Variants in MTUS2 observed in about 807,000 individuals in gnomAD.
The protein encoded by MTUS2 is microtubule-associated tumor suppressor candidate 2.
Under a neutral mutation model 114.1 loss-of-function variants are expected in MTUS2, and 40 were observed. The observed-to-expected ratio is 0.35, with a 90% CI of 0.27 to 0.46. MTUS2 has a LOEUF of 0.46. MTUS2 is among the 20% of genes least tolerant of loss of function. The pLI, the probability that MTUS2 is intolerant of heterozygous loss-of-function variation, is 1.00. For missense variants in MTUS2, 1,679 were observed against 1,705.4 expected (o/e 0.98, Z 0.27); for synonymous variants, 688 against 672.0 (o/e 1.02, Z -0.37).
intron 5 of MTUS2, among the ~76,000 whole-genome samples, chr13:29,230,477 A>G (rs1303901222): frequency 1.3e-5 from 2 of 152,190 alleles, no homozygotes; most frequent in African/African-American, 4.8e-5. Context: ...ACATCTTTAT[A>G]TGTTTTGCTT....
intron 1 of MTUS2, among the ~76,000 whole-genome samples, chr13:28,828,481 T>C (rs914184806): frequency 1.1e-4 from 16 of 152,210 alleles, no homozygotes; most frequent in African/African-American, 3.9e-4. Flanking sequence ...TAAATGGCCA[T>C]GAAATCTTCA....
rs762222069 is a variant in MTUS2, at chr13:29,026,419, C to G, written c.1721C>G (p.Pro574Arg). 6.2e-7 allele frequency: 1 copy of G among 1,613,926 alleles called. No homozygotes were observed. The highest frequency in any genetic ancestry group is 8.5e-7 in the Non-Finnish European group (1 of 1,179,852). Residue 574 changes from proline to arginine, a missense_variant, in exon 3 of 16, where the codon CCT becomes CGT. Physicochemically the swap from Pro to Arg is moderately radical, Grantham distance 103. This residue lies in a region of MTUS2 where 843 missense variants were observed against 770.8 expected (regional missense o/e 1.09). Coordinates refer to ENST00000612955, the MANE Select transcript of MTUS2 (RefSeq NM_001033602.4). ...DAGSPLVVPP[P>R]TDSARLLNTS... The stretch of plus-strand genomic sequence containing the variant: ...GGGTCCCCCTTGGTAGTTCCACCCC[C>G]TACTGATAGTGCACGCTTGTTGAAC...
intron 5 of MTUS2, among the ~76,000 whole-genome samples, chr13:29,143,961 C>T (rs1162767132): frequency 6.6e-6 from 1 of 152,122 alleles, no homozygotes; most frequent in Non-Finnish European, 1.5e-5. Context: ...GCAGAAGTGC[C>T]ATAGTGCCAT....
chr13:29,452,817 C>T (rs546862704), intron 9 of MTUS2, among the ~76,000 whole-genome samples: 5 of 152,194 alleles, frequency 3.3e-5, no homozygotes, highest in African/African-American at 1.2e-4. Context: ...GCTCCAATAC[C>T]AAGGGCAACC....
At position 29,466,748 on chromosome 13, in the gene MTUS2, G is replaced by A. The variant is rs560629320; in HGVS notation, c.3185-13402G>A. Among the ~76,000 whole-genome samples the A allele has an allele frequency of 9.2e-5, 14 of 151,900 alleles. No individual in the cohort carries two copies. In the East Asian group the frequency reaches 1.4e-3, roughly 15 times the overall value. ...AAAAATTAGCCAGGTGTGGTGGTGC[G>A]TGTCTATAGTCCCAGCTACTAGGGC... On this transcript the variant is annotated intron_variant, in intron 9 of 15. Coordinates refer to ENST00000612955, the MANE Select transcript of MTUS2 (RefSeq NM_001033602.4).
At chr13:28,972,301 C>T (rs528913858) in intron 2 of MTUS2, among the ~76,000 whole-genome samples, 15 of 152,310 alleles carry the variant, frequency 9.8e-5, no homozygotes, top group Admixed American at 2.6e-4. Flanking sequence ...AGTGACTCTC[C>T]GGTTCTTCCG....
intron 9 of MTUS2, among the ~76,000 whole-genome samples, chr13:29,458,055 C>A (rs781396215): frequency 1.3e-5 from 2 of 152,160 alleles, no homozygotes; most frequent in Non-Finnish European, 2.9e-5. Context: ...CCTGGCCGAG[C>A]ACTTTTTATG....
At chr13:29,049,301 G>A (rs1379028223) in intron 4 of MTUS2, among the ~76,000 whole-genome samples, 2 of 152,220 alleles carry the variant, frequency 1.3e-5, no homozygotes, top group African/African-American at 4.8e-5. Context: ...TGGGGACCAT[G>A]CTGGAGTACT....
At chr13:29,029,882 C>T (rs1886736588) in intron 3 of MTUS2, among the ~76,000 whole-genome samples, 1 of 152,346 alleles carries the variant, frequency 6.6e-6, no homozygotes, top group East Asian at 1.9e-4. Context: ...CATGAGGCAT[C>T]TGCCCCCATG....
At chr13:28,944,226 C>A (rs1385508813) in intron 2 of MTUS2, among the ~76,000 whole-genome samples, 1 of 152,036 alleles carries the variant, frequency 6.6e-6, no homozygotes, top group Non-Finnish European at 1.5e-5. Flanking sequence ...ATGCTGGGAA[C>A]ATTTGAATTA....
At chr13:29,281,446 T>TGTGC (rs1555261051) in intron 5 of MTUS2, among the ~76,000 whole-genome samples, 1 of 151,970 alleles carries the variant, frequency 6.6e-6, no homozygotes, top group Non-Finnish European at 1.5e-5. Context: ...TGTGTGTGTG[T>TGTGC]GTGCATGCAG....
intron 8 of MTUS2, among the ~76,000 whole-genome samples, chr13:29,428,205 A>G (rs777738430): frequency 1.3e-5 from 2 of 152,258 alleles, no homozygotes; most frequent in African/African-American, 4.8e-5. Context: ...GGCGGTTCCC[A>G]TTAGCAACAA....
Position 29,116,123 on chromosome 13 carries a change from T to C in MTUS2, c.2644+15153T>C, listed in dbSNP as rs529453022. On this transcript the variant is annotated intron_variant, in intron 5 of 15. Transcript: ENST00000612955. ...TAAATCTGCTTCCATGCCTGGCCCC[T>C]AGGCCCCATGTTCTCTATTGTGCTA... Among the ~76,000 whole-genome samples, 21 of 152,326 alleles carry C rather than the reference T, an allele frequency of 1.4e-4. 1 individual carries two copies. The highest frequency in any genetic ancestry group is 5.1e-4 in the African/African-American group (21 of 41,574).
At chr13:29,468,206 A>T (rs1013105851) in intron 9 of MTUS2, among the ~76,000 whole-genome samples, 5 of 152,214 alleles carry the variant, frequency 3.3e-5, no homozygotes, top group African/African-American at 9.6e-5. Context: ...CAGGATTTTT[A>T]TTCTGCTTTT....
At chr13:29,313,820 A>G (rs1026365634) in intron 6 of MTUS2, among the ~76,000 whole-genome samples, 3 of 152,206 alleles carry the variant, frequency 2.0e-5, no homozygotes, top group Admixed American at 2.0e-4. Context: ...AAGAGAGCAG[A>G]CAGATCACAC....
At position 29,210,483 on chromosome 13, in the gene MTUS2, T is replaced by C. The variant is rs1593607685; in HGVS notation, c.2645-71221T>C. Among the ~76,000 whole-genome samples the C allele has an allele frequency of 2.6e-5, 4 of 152,256 alleles. No homozygotes were observed. The South Asian group carries it at 8.3e-4, about 32-fold the overall frequency. On this transcript the variant is annotated intron_variant, in intron 5 of 15. Transcript: ENST00000612955. The stretch of plus-strand genomic sequence containing the variant: ...TTGTTGGTGAGCTAGTGTGATCTTT[T>C]GGGAGTGTTAAAAAATCTTGTTTTG...
chr13:29,398,936 A>T (rs1314275749), intron 8 of MTUS2, among the ~76,000 whole-genome samples: 1 of 152,166 alleles, frequency 6.6e-6, no homozygotes, highest in Non-Finnish European at 1.5e-5. Context: ...CTAGATCCCC[A>T]AGAACCCAAG....
chr13:29,345,674 G>T lies in MTUS2; in HGVS notation c.2906-13588G>T, dbSNP rs567693192. Among the ~76,000 whole-genome samples the T allele has an allele frequency of 9.9e-5, 15 of 152,054 alleles. 1 individual carries two copies. In the South Asian group the frequency reaches 2.1e-3, roughly 21 times the overall value. On this transcript the variant is annotated intron_variant, in intron 7 of 15. Coordinates refer to ENST00000612955, the MANE Select transcript of MTUS2 (RefSeq NM_001033602.4). ...CTGGCAATTCAGAGATTTCTTCTTG[G>T]TTTGGCTCAATTGCTAGTGAGATAG...
At position 29,128,514 on chromosome 13, in the gene MTUS2, C is replaced by T. The variant is rs116522815; in HGVS notation, c.2644+27544C>T. Among the ~76,000 whole-genome samples the T allele has an allele frequency of 5.5e-3, 840 of 152,138 alleles. 8 individuals are homozygous for T. The highest frequency in any genetic ancestry group is 0.019 in the African/African-American group (801 of 41,492). On this transcript the variant is annotated intron_variant, in intron 5 of 15. Coordinates refer to ENST00000612955, the MANE Select transcript of MTUS2 (RefSeq NM_001033602.4). ...ATGTGAGTGCATATACATTAAATGT[C>T]AATAACATGATTTTGAAAATCTTAC...
Sources: allele counts gnomAD v4.1 joint callset (sites outside exome capture counted in the v4.1 genomes callset), GRCh38; gene constraint gnomAD v4.1.1; regional missense constraint gnomAD v4.1.1; transcripts MANE v1.5; gene names NCBI Gene and HGNC (gene_info 2026-07-23, HGNC 2026-07-21).